Variants in SLC9A9 observed in about 807,000 individuals in gnomAD.
SLC9A9 encodes sodium/hydrogen exchanger 9.
In SLC9A9, 62 loss-of-function variants were observed where a neutral mutation model predicts 77.8. That is an observed-to-expected ratio of 0.80 (90% CI 0.65 to 0.98). The LOEUF is 0.98. Among genes scored for constraint, SLC9A9 ranks in the 50% least tolerant of loss-of-function variants. The probability of loss-of-function intolerance (pLI) is 0.00; values close to 1 mark genes in which losing one functional copy is unlikely to be tolerated. For synonymous variants in SLC9A9, 320 were observed against 283.5 expected, an observed-to-expected ratio of 1.13 and a Z score of -1.29; for missense variants, 775 against 774.9, an observed-to-expected ratio of 1.00 and a Z score of 0.00.
intron 8 of SLC9A9, among the ~76,000 whole-genome samples, chr3:143,561,334 C>T (rs919545354): frequency 6.6e-6 from 1 of 152,068 alleles, no homozygotes; most frequent in Non-Finnish European, 1.5e-5. Context: ...AATTGATAGT[C>T]TTCTGTGCAT....
At chr3:143,475,214 G>A (rs865710) in intron 11 of SLC9A9, among the ~76,000 whole-genome samples, 1 of 149,968 alleles carries the variant, frequency 6.7e-6, no homozygotes, top group Non-Finnish European at 1.5e-5. Flanking sequence ...TGATCTACCC[G>A]CCTCGGCCTC....
chr3:143,805,050 G>A (rs2008673503), intron 2 of SLC9A9, among the ~76,000 whole-genome samples: 1 of 152,026 alleles, frequency 6.6e-6, no homozygotes, highest in South Asian at 2.1e-4. Flanking sequence ...AAAACTCAAG[G>A]ACAGAGCCCA....
At chr3:143,315,064 G>C (rs1269982194) in intron 14 of SLC9A9, among the ~76,000 whole-genome samples, 3 of 152,166 alleles carry the variant, frequency 2.0e-5, no homozygotes, top group Non-Finnish European at 4.4e-5. Context: ...TAACCCTAAG[G>C]TGTGATACTC....
At chr3:143,575,342 A>G (rs1174036241) in intron 7 of SLC9A9, among the ~76,000 whole-genome samples, 1 of 152,206 alleles carries the variant, frequency 6.6e-6, no homozygotes, top group Non-Finnish European at 1.5e-5. Context: ...TCACTTGGAC[A>G]CATCTCTTGA....
At chr3:143,717,023 CAGT>C (rs1302220159) in intron 4 of SLC9A9, among the ~76,000 whole-genome samples, 1 of 152,180 alleles carries the variant, frequency 6.6e-6, no homozygotes, top group Non-Finnish European at 1.5e-5. Context: ...GCTTCACAAT[CAGT>C]AGCTCCTAGA....
At chr3:143,461,552 G>C (rs769937073) in intron 12 of SLC9A9, among the ~76,000 whole-genome samples, 3 of 152,094 alleles carry the variant, frequency 2.0e-5, no homozygotes, top group Admixed American at 6.6e-5. Context: ...TATAATGTTC[G>C]AAAGGGGTAG....
At chr3:143,456,739 A>G (rs1177211970) in intron 12 of SLC9A9, among the ~76,000 whole-genome samples, 1 of 151,508 alleles carries the variant, frequency 6.6e-6, no homozygotes, top group Non-Finnish European at 1.5e-5. Flanking sequence ...TAATTTTTGT[A>G]TTTTTAATAG....
At chr3:143,404,329 ACAC>A (rs1428416561) in intron 12 of SLC9A9, among the ~76,000 whole-genome samples, 1 of 151,660 alleles carries the variant, frequency 6.6e-6, no homozygotes, top group East Asian at 1.9e-4. Context: ...GCCTGCCACC[ACAC>A]CTAATTTTTT....
At chr3:143,668,863 A>G (rs2039115293) in intron 5 of SLC9A9, among the ~76,000 whole-genome samples, 1 of 152,176 alleles carries the variant, frequency 6.6e-6, no homozygotes. Context: ...TCAGTGCAAA[A>G]TAATAAATTG....
chr3:143,624,501 C>A (rs1238894456), intron 6 of SLC9A9, among the ~76,000 whole-genome samples: 1 of 152,082 alleles, frequency 6.6e-6, no homozygotes, highest in Admixed American at 6.5e-5. Context: ...ATAAACAAAA[C>A]CAATGACAAA....
chr3:143,795,604 C>T (rs952088545), intron 3 of SLC9A9, among the ~76,000 whole-genome samples: 3 of 152,138 alleles, frequency 2.0e-5, no homozygotes, highest in Admixed American at 6.5e-5. Flanking sequence ...GGGTGGCTCA[C>T]GCCTGTAATT....
At chr3:143,516,281 TTTCAGTG>T (rs201125810) in intron 9 of SLC9A9, among the ~76,000 whole-genome samples, 3,075 of 152,206 alleles carry the variant, frequency 0.02, 97 homozygotes, top group African/African-American at 0.069. Flanking sequence ...TTATTTGTCT[TTTCAGTG>T]AAACACTTTT....
intron 12 of SLC9A9, among the ~76,000 whole-genome samples, chr3:143,466,069 T>C (rs1362307156): frequency 6.6e-6 from 1 of 152,220 alleles, no homozygotes; most frequent in Non-Finnish European, 1.5e-5. Context: ...ATGAATTATG[T>C]ATTCAATCCT....
At chr3:143,284,913 CTA>C (rs1485520911) in intron 14 of SLC9A9, among the ~76,000 whole-genome samples, 1 of 152,092 alleles carries the variant, frequency 6.6e-6, no homozygotes, top group Non-Finnish European at 1.5e-5. Context: ...ACAGACAGCT[CTA>C]TATGAAGTTT....
At chr3:143,406,560 C>T (rs1178856694) in intron 12 of SLC9A9, among the ~76,000 whole-genome samples, 1 of 151,986 alleles carries the variant, frequency 6.6e-6, no homozygotes, top group African/African-American at 2.4e-5. Flanking sequence ...AGGGTTTCAC[C>T]ATGTTGGTCA....
At chr3:143,728,979 G>A (rs1000798822) in intron 4 of SLC9A9, among the ~76,000 whole-genome samples, 7 of 151,950 alleles carry the variant, frequency 4.6e-5, no homozygotes, top group East Asian at 3.9e-4. Context: ...AAAGGTTGTC[G>A]AGCTGCACCC....
At chr3:143,676,414 A>G (rs1442729082) in intron 5 of SLC9A9, among the ~76,000 whole-genome samples, 1 of 152,154 alleles carries the variant, frequency 6.6e-6, no homozygotes, top group African/African-American at 2.4e-5. Context: ...AACAAAACAA[A>G]CAAAAACACA....
chr3:143,453,356 T>C (rs1312057088), intron 12 of SLC9A9, among the ~76,000 whole-genome samples: 5 of 152,088 alleles, frequency 3.3e-5, no homozygotes, highest in South Asian at 4.1e-4. Flanking sequence ...GTTATGAATA[T>C]AGCATATCCT....
intron 2 of SLC9A9, among the ~76,000 whole-genome samples, chr3:143,816,402 T>A (rs2009019319): frequency 6.6e-6 from 1 of 152,208 alleles, no homozygotes. Context: ...TTGTATGTTT[T>A]AAAATTGTAT....
Sources: allele counts gnomAD v4.1 joint callset (sites outside exome capture counted in the v4.1 genomes callset), GRCh38; gene constraint gnomAD v4.1.1; transcripts MANE v1.5; gene names NCBI Gene and HGNC (gene_info 2026-07-23, HGNC 2026-07-21).